DTHD1: variants seen among roughly 807,000 people sequenced by gnomAD.
The protein encoded by DTHD1 is death domain containing 1.
Under a neutral mutation model 74.8 loss-of-function variants are expected in DTHD1, and 59 were observed. That is an observed-to-expected ratio of 0.79 (90% CI 0.64 to 0.98). DTHD1 has a LOEUF of 0.98. DTHD1 is among the 50% of genes least tolerant of loss of function. The pLI is 0.00. For missense variants in DTHD1, 1,051 were observed against 1,065.4 expected, an observed-to-expected ratio of 0.99 and a Z score of 0.19; for synonymous variants, 365 against 371.1, an observed-to-expected ratio of 0.98 and a Z score of 0.19.
rs1307196915 is a variant in DTHD1, at chr4:36,344,623, A to G, written c.*799A>G. The G allele has an allele frequency of 6.6e-6, 1 of 152,232 alleles. No homozygotes were observed. The highest frequency in any genetic ancestry group is 1.5e-5 in the Non-Finnish European group (1 of 68,044). 9.4% of individuals were successfully genotyped at this position (152,232 alleles called of 1,614,324 possible). ...GAATAGATTGTAAATATTTCTGATC[A>G]GTCCTAAGGTCTGTTGAAATTTATG... On this transcript the variant is annotated 3_prime_UTR_variant, in exon 10 of 10. Transcript: ENST00000639862.
In DTHD1 at chr4:36,290,435, C is replaced by T; in HGVS notation, c.950C>T (p.Ser317Leu). ...GTGTCTTGTTATATTACAGCACCAT[C>T]ATATGTTCTACAACAACTAGAATGC... ...PQVSCYITAPSYVLQQLECRI... is the reference protein window; with the variant it reads ...PQVSCYITAPLYVLQQLECRI... Residue 317 changes from serine (S) to leucine (L), a missense_variant, in exon 3 of 10, where the codon TCA becomes TTA. Ser to Leu is a moderately radical substitution (Grantham distance 145, BLOSUM62 -2). Transcript: ENST00000639862. 1 of 1,551,908 alleles carries T rather than the reference C, an allele frequency of 6.4e-7. No homozygotes were observed. Among genetic ancestry groups the T allele is most frequent in the Non-Finnish European group, 8.7e-7 (1 of 1,147,006 alleles).
At chr4:36,331,609 G>C (rs1758676520) in intron 8 of DTHD1, among the ~76,000 whole-genome samples, 1 of 152,218 alleles carries the variant, frequency 6.6e-6, no homozygotes, top group South Asian at 2.1e-4. Flanking sequence ...AATGGGAGGA[G>C]TGTGAGGTTA....
Position 36,300,051 on chromosome 4 carries a change from C to A in DTHD1, c.1643+5012C>A, listed in dbSNP as rs142660947. On this transcript the variant is annotated intron_variant, in intron 5 of 9. Transcript: ENST00000639862. Reference sequence around the variant, plus strand: ...TTCCTGCCTTCTTATTTTTGGGATACTGTCCTTTATTAAACTTTTCATATA... The same window carrying A: ...TTCCTGCCTTCTTATTTTTGGGATAATGTCCTTTATTAAACTTTTCATATA... Among the ~76,000 whole-genome samples, 13 of 152,264 alleles carry A rather than the reference C, an allele frequency of 8.5e-5. No homozygotes were observed. In the East Asian group the frequency reaches 1.9e-3, roughly 23 times the overall value.
intron 8 of DTHD1, among the ~76,000 whole-genome samples, chr4:36,317,581 A>G (rs1410695727): frequency 6.6e-6 from 1 of 152,230 alleles, no homozygotes; most frequent in Non-Finnish European, 1.5e-5. Context: ...TATTTTTTAA[A>G]CATCTTAAAT....
At chr4:36,318,675 C>T (rs1486550302) in intron 8 of DTHD1, among the ~76,000 whole-genome samples, 7 of 131,042 alleles carry the variant, frequency 5.3e-5, no homozygotes, top group South Asian at 4.7e-4. Flanking sequence ...AGTGCAGTGG[C>T]GCGATCTCGG....
intron 8 of DTHD1, among the ~76,000 whole-genome samples, chr4:36,320,400 G>T (rs1361478762): frequency 6.6e-6 from 1 of 152,208 alleles, no homozygotes; most frequent in East Asian, 1.9e-4. Context: ...AGATGAACAA[G>T]ATAATCTCTG....
intron 5 of DTHD1, among the ~76,000 whole-genome samples, chr4:36,302,053 A>C (rs992932070): frequency 6.6e-6 from 1 of 152,218 alleles, no homozygotes; most frequent in Non-Finnish European, 1.5e-5. Context: ...GCGGGGGCCC[A>C]CTAAGGTACA....
chr4:36,292,778 T>C (rs776454989), intron 3 of DTHD1, among the ~76,000 whole-genome samples: 3 of 152,216 alleles, frequency 2.0e-5, no homozygotes, highest in African/African-American at 7.2e-5. Context: ...CGGCTGCTGA[T>C]TGGGGAAGTA....
At position 36,290,649 on chromosome 4, in the gene DTHD1, T is replaced by C; in HGVS notation, c.1164T>C (p.Leu388=). 1 of 1,546,800 alleles carries C rather than the reference T, an allele frequency of 6.5e-7. No individual in the cohort carries two copies. The highest frequency in any genetic ancestry group is 8.7e-7 in the Non-Finnish European group (1 of 1,146,904). Residue 388 remains leucine, a synonymous_variant, in exon 3 of 10, where the codon CTT becomes CTC. Coordinates refer to ENST00000639862, the MANE Select transcript of DTHD1 (RefSeq NM_001170700.3). ...TGGTGAAAGTGTGTGACATAAACCT[T>C]CAATCAAGTTACCTAAACCCAAATT... is the stretch of plus-strand genomic sequence containing the variant. ...DIMVKVCDIN[L]QSSYLNPNSL...
intron 8 of DTHD1, among the ~76,000 whole-genome samples, chr4:36,325,348 T>C (rs892389289): frequency 1.3e-5 from 2 of 152,214 alleles, no homozygotes; most frequent in African/African-American, 4.8e-5. Context: ...GGTTTGTTTA[T>C]AATTAAGTTG....
intron 5 of DTHD1, among the ~76,000 whole-genome samples, chr4:36,305,805 T>A (rs1481755831): frequency 6.6e-6 from 1 of 152,220 alleles, no homozygotes; most frequent in East Asian, 1.9e-4. Context: ...AGCGAGTTTA[T>A]TAATGTTTTT....
rs1016356958 is a variant in DTHD1 at position 36,346,880 on chromosome 4, A to G, written c.*3056A>G. On this transcript the variant is annotated 3_prime_UTR_variant, in exon 10 of 10. Transcript: ENST00000639862. ...AACTGGTCTTCTTCTTGTCTCTTCAAGTCTAAGGGTGGTAATAGCTCTCTT... is the reference window on the plus strand; with the variant it reads ...AACTGGTCTTCTTCTTGTCTCTTCAGGTCTAAGGGTGGTAATAGCTCTCTT... 5.3e-5 allele frequency among the ~76,000 whole-genome samples: 8 copies of G among 152,066 alleles called. No individual in the cohort carries two copies. The highest frequency in any genetic ancestry group is 1.9e-4 in the African/African-American group (8 of 41,386).
At chr4:36,306,093 A>C in intron 5 of DTHD1, 98 bp from the exon 6 acceptor site, 1 of 1,141,584 alleles carries the variant, frequency 8.8e-7, no homozygotes, top group Non-Finnish European at 1.2e-6. Flanking sequence ...GTACTTAATG[A>C]ATTGTTATTA....
Position 36,326,146 on chromosome 4 carries a change from T to C in DTHD1, c.2340+9660T>C, listed in dbSNP as rs182005125. Among the ~76,000 whole-genome samples the C allele has an allele frequency of 1.8e-3, 274 of 152,200 alleles. 7 individuals carry two copies. The highest frequency in any genetic ancestry group is 0.012 in the Admixed American group (189 of 15,292). On this transcript the variant is annotated intron_variant, in intron 8 of 9. Coordinates refer to ENST00000639862, the MANE Select transcript of DTHD1 (RefSeq NM_001170700.3). ...TCAAGACTCTTCCCACGGGCTGCCA[T>C]TGTGACAGCAATGACTCCACACTTA... is the stretch of plus-strand genomic sequence containing the variant.
At position 36,310,312 on chromosome 4, in the gene DTHD1, A is replaced by G. The variant is rs1047795779; in HGVS notation, c.2095+1819A>G. The stretch of plus-strand genomic sequence containing the variant: ...AGTTCAAAGGAAAGAGATGAAGAGA[A>G]AGAGAAAAGGAAGAAAAAGAACAAG... On this transcript the variant is annotated intron_variant, in intron 7 of 9. Transcript: ENST00000639862. Among the ~76,000 whole-genome samples the G allele has an allele frequency of 3.9e-5, 6 of 152,338 alleles. 1 individual carries two copies.
At chr4:36,341,831 G>C (rs777804597) in intron 9 of DTHD1, among the ~76,000 whole-genome samples, 1 of 152,214 alleles carries the variant, frequency 6.6e-6, no homozygotes, top group South Asian at 2.1e-4. Flanking sequence ...CCCTGCAGAG[G>C]TGACCGAATG....
intron 9 of DTHD1, among the ~76,000 whole-genome samples, chr4:36,340,652 G>A (rs1026212092): frequency 1.8e-4 from 27 of 152,168 alleles, no homozygotes; most frequent in African/African-American, 5.8e-4. Flanking sequence ...TGTATTGGCT[G>A]TAGAATACAC....
intron 5 of DTHD1, among the ~76,000 whole-genome samples, chr4:36,297,757 T>C (rs1756519649): frequency 6.6e-6 from 1 of 152,086 alleles, no homozygotes; most frequent in African/African-American, 2.4e-5. Context: ...CTGGCACGTG[T>C]GCATGGGTGG....
chr4:36,308,931 A>T (rs1416652257), intron 7 of DTHD1, among the ~76,000 whole-genome samples: 2 of 152,228 alleles, frequency 1.3e-5, no homozygotes, highest in Non-Finnish European at 2.9e-5. Flanking sequence ...TCTATCTAAA[A>T]TAATATCCAA....
Sources: gnomAD v4.1 joint callset for allele counts (sites outside exome capture counted in the v4.1 genomes callset) on GRCh38, gnomAD v4.1.1 for gene constraint, MANE v1.5 for transcripts, NCBI Gene and HGNC (gene_info 2026-07-23, HGNC 2026-07-21) for gene names.